The following CACNB2 variants were observed in gnomAD, a reference collection of about 807,000 sequenced individuals.
The protein encoded by CACNB2 is voltage-dependent L-type calcium channel subunit beta-2.
A neutral mutation model predicts 73.3 loss-of-function variants in CACNB2; 42 were observed. The observed-to-expected ratio is 0.57, with a 90% CI of 0.45 to 0.74. The LOEUF (loss-of-function observed/expected upper bound fraction) is 0.74. CACNB2 is among the 30% of genes least tolerant of loss of function. The pLI is 0.00. For missense variants in CACNB2, 940 were observed against 853.0 expected, an observed-to-expected ratio of 1.10 and a Z score of -1.27; for synonymous variants, 348 against 310.3, an observed-to-expected ratio of 1.12 and a Z score of -1.28.
chr10:18,356,813 A>G, intron 2 of CACNB2, among the ~76,000 whole-genome samples: 1 of 151,698 alleles, frequency 6.6e-6, no homozygotes, highest in Non-Finnish European at 1.5e-5. Flanking sequence ...TATATTTTGT[A>G]GGGGTGAGGT....
At chr10:18,499,379 A>G (rs1233500296) in intron 4 of CACNB2, among the ~76,000 whole-genome samples, 2 of 151,996 alleles carry the variant, frequency 1.3e-5, no homozygotes, top group South Asian at 2.1e-4. Flanking sequence ...ACACTTTGGG[A>G]GGCCAAGGTG....
intron 2 of CACNB2, among the ~76,000 whole-genome samples, chr10:18,175,005 A>G (rs949824476): frequency 6.6e-6 from 1 of 152,214 alleles, no homozygotes; most frequent in African/African-American, 2.4e-5. Flanking sequence ...GATAAATAAA[A>G]TAACACTTAA....
chr10:18,163,714 T>A (rs1227232034), intron 2 of CACNB2, among the ~76,000 whole-genome samples: 1 of 152,134 alleles, frequency 6.6e-6, no homozygotes, highest in African/African-American at 2.4e-5. Context: ...TTCTACCGGT[T>A]TGGAACTTTT....
chr10:18,483,585 A>G lies in CACNB2; in HGVS notation c.334-14770A>G, dbSNP rs566831871. On this transcript the variant is annotated intron_variant, in intron 3 of 13. Transcript: ENST00000324631. ...AAACCAAAACATGAGTATAAAATAA[A>G]TGATGAAATAAAATCGCTGAAATTT... is the stretch of plus-strand genomic sequence containing the variant. Among the ~76,000 whole-genome samples, 6 of 152,176 alleles carry G rather than the reference A, an allele frequency of 3.9e-5. No homozygotes were observed. The East Asian group carries it at 9.6e-4, about 24-fold the overall frequency.
chr10:18,282,430 C>T (rs73601582), intron 2 of CACNB2, among the ~76,000 whole-genome samples: 1,678 of 152,282 alleles, frequency 0.011, 45 homozygotes, highest in African/African-American at 0.038. Context: ...AGACCAGTCA[C>T]CTGGGGAGGC....
At chr10:18,211,660 A>G (rs2035322323) in intron 2 of CACNB2, among the ~76,000 whole-genome samples, 1 of 152,188 alleles carries the variant, frequency 6.6e-6, no homozygotes, top group Admixed American at 6.6e-5. Flanking sequence ...ATGTATTTAC[A>G]GGGTTCAGAT....
At chr10:18,427,385 G>A (rs915411763) in intron 3 of CACNB2, among the ~76,000 whole-genome samples, 1 of 151,980 alleles carries the variant, frequency 6.6e-6, no homozygotes, top group African/African-American at 2.4e-5. Context: ...AAGATTTTGG[G>A]GGAGGGTGGG....
rs186375123 is a variant in CACNB2, at chr10:18,381,585, G to A, written c.214-20339G>A. ...CACCTGTAGTCCCAGCTACTGGGGT[G>A]GCTGAGGCAGGAGAATTGCTTGAAC... On this transcript the variant is annotated intron_variant, in intron 2 of 13. Transcript: ENST00000324631. Among the ~76,000 whole-genome samples, 15 of 151,972 alleles carry A rather than the reference G, an allele frequency of 9.9e-5. No homozygotes were observed. The East Asian group carries it at 2.7e-3, about 27-fold the overall frequency.
chr10:18,479,665 C>T (rs1214733320), intron 3 of CACNB2, among the ~76,000 whole-genome samples: 1 of 150,690 alleles, frequency 6.6e-6, no homozygotes, highest in African/African-American at 2.4e-5. Flanking sequence ...CTTATGAGAT[C>T]TGATGGTTTA....
At chr10:18,390,908 GC>G (rs1438638265) in intron 2 of CACNB2, among the ~76,000 whole-genome samples, 2 of 152,164 alleles carry the variant, frequency 1.3e-5, no homozygotes, top group African/African-American at 2.4e-5. Context: ...TACATGCCTT[GC>G]CTTTGGCTAT....
Position 18,340,743 on chromosome 10 carries a change from T to A in CACNB2, c.214-61181T>A, listed in dbSNP as rs182634399. Reference sequence around the variant, plus strand: ...GTTCTGGAACAGAGAGCTGTTGTGATCCGACGAACTTTAGAAAGTCACACT... The same window carrying A: ...GTTCTGGAACAGAGAGCTGTTGTGAACCGACGAACTTTAGAAAGTCACACT... On this transcript the variant is annotated intron_variant, in intron 2 of 13. Coordinates refer to ENST00000324631, the MANE Select transcript of CACNB2 (RefSeq NM_201596.3). 28 of 1,489,978 alleles carry A rather than the reference T, an allele frequency of 1.9e-5. No homozygotes were observed. The Admixed American group carries it at 6.3e-4, about 33-fold the overall frequency. 92.3% of individuals were successfully genotyped at this position (1,489,978 alleles called of 1,614,324 possible). A position where few individuals can be genotyped will look rare whatever the true frequency, so the allele number is the denominator to read the frequency against.
chr10:18,351,794 A>T (rs1321034055), intron 2 of CACNB2, among the ~76,000 whole-genome samples: 1 of 152,230 alleles, frequency 6.6e-6, no homozygotes, highest in African/African-American at 2.4e-5. Context: ...ATTGCTTTCA[A>T]AGTTAGAGAA....
intron 3 of CACNB2, among the ~76,000 whole-genome samples, chr10:18,456,882 T>G (rs1265997313): frequency 2.6e-5 from 4 of 152,214 alleles, no homozygotes; most frequent in African/African-American, 9.7e-5. Context: ...TTGGGTTTAT[T>G]TGATTCATCT....
In CACNB2 at chr10:18,542,770, C is replaced by A. The variant is rs980195511; in HGVS notation, c.*3046C>A. ...GGGCAATGGGATATTTACTGACCTG[C>A]GGAATGTAAAGTTACAGTCTTTTCA... On this transcript the variant is annotated 3_prime_UTR_variant, in exon 14 of 14. Transcript: ENST00000324631. 6.6e-6 allele frequency: 1 copy of A among 152,006 alleles called. No homozygotes were observed. The highest frequency in any genetic ancestry group is 1.5e-5 in the Non-Finnish European group (1 of 68,014). 9.4% of individuals were successfully genotyped at this position (152,006 alleles called of 1,614,324 possible). A position where few individuals can be genotyped will look rare whatever the true frequency, so the allele number is the denominator to read the frequency against.
chr10:18,146,306 A>ATTTTTT (rs10714038), intron 1 of CACNB2, among the ~76,000 whole-genome samples: 2,133 of 118,814 alleles, frequency 0.018, 40 homozygotes, highest in South Asian at 0.039. Context: ...ATGGAGACTA[A>ATTTTTT]TTTTTTTTTT....
chr10:18,470,805 G>A (rs187977742), intron 3 of CACNB2, among the ~76,000 whole-genome samples: 2 of 152,246 alleles, frequency 1.3e-5, no homozygotes, highest in African/African-American at 4.8e-5. Context: ...GATGGTGGTG[G>A]TGTCAGCAGC....
chr10:18,412,373 C>G (rs867902354), intron 3 of CACNB2, among the ~76,000 whole-genome samples: 1 of 152,166 alleles, frequency 6.6e-6, no homozygotes, highest in Non-Finnish European at 1.5e-5. Context: ...TATCTGCATG[C>G]CTTGTGAAAT....
intron 2 of CACNB2, among the ~76,000 whole-genome samples, chr10:18,312,808 TG>T (rs1203834122): frequency 6.6e-6 from 1 of 152,188 alleles, no homozygotes; most frequent in Non-Finnish European, 1.5e-5. Context: ...ACAGAACTCT[TG>T]GGGGCGGGGG....
intron 2 of CACNB2, among the ~76,000 whole-genome samples, chr10:18,249,906 T>C (rs1018585818): frequency 6.6e-6 from 1 of 152,082 alleles, no homozygotes. Context: ...CTGATCCTGC[T>C]CCTCCCTAAA....
Sources: allele counts gnomAD v4.1 joint callset (sites outside exome capture counted in the v4.1 genomes callset), GRCh38; gene constraint gnomAD v4.1.1; transcripts MANE v1.5; gene names NCBI Gene and HGNC (gene_info 2026-07-23, HGNC 2026-07-21).